The following BARX2 variants were observed in gnomAD, a reference collection of about 807,000 sequenced individuals.
BARX2 encodes the protein homeobox protein BarH-like 2.
A neutral mutation model predicts 25.5 loss-of-function variants in BARX2; 11 were observed. The observed-to-expected ratio is 0.43, with a 90% CI of 0.27 to 0.71. The LOEUF (loss-of-function observed/expected upper bound fraction) is 0.71. Ranked by LOEUF, BARX2 falls within the 30% of genes least tolerant of loss-of-function variation. The probability of loss-of-function intolerance (pLI) is 0.19; values close to 1 mark genes in which losing one functional copy is unlikely to be tolerated. For missense variants in BARX2, 360 were observed against 359.9 expected (o/e 1.00, Z 0.00); for synonymous variants, 137 against 149.5 (o/e 0.92, Z 0.61).
intron 1 of BARX2, among the ~76,000 whole-genome samples, chr11:129,430,138 A>G (rs1862113154): frequency 6.6e-6 from 1 of 152,130 alleles, no homozygotes; most frequent in South Asian, 2.1e-4. Flanking sequence ...AATTCTGCTG[A>G]TGGAAATTCC....
intron 2 of BARX2, 151 bp from the exon 3 acceptor site, chr11:129,442,684 G>A (rs1227353308): frequency 1.3e-6 from 1 of 743,608 alleles, no homozygotes; most frequent in Non-Finnish European, 2.4e-6. Flanking sequence ...TGGAAGGAAA[G>A]AAAAGCGCTT....
At chr11:129,437,643 T>C (rs1862207605) in intron 2 of BARX2, 1 of 339,878 alleles carries the variant, frequency 2.9e-6, no homozygotes, top group African/African-American at 2.2e-5. Flanking sequence ...GAGATCCATG[T>C]TGGGGAGGCT....
At chr11:129,410,102 A>C (rs1031066256) in intron 1 of BARX2, among the ~76,000 whole-genome samples, 1 of 152,246 alleles carries the variant, frequency 6.6e-6, no homozygotes, top group African/African-American at 2.4e-5. Context: ...ATGAATAGAA[A>C]ATGTTTATGG....
Position 129,390,854 on chromosome 11 carries a change from A to G in BARX2, c.187+14632A>G, listed in dbSNP as rs75650031. ...TCCTGGGTCACAAAAGATCATGACG[A>G]CTGTATTATAATACAATAATGGTAT... is the stretch of plus-strand genomic sequence containing the variant. On this transcript the variant is annotated intron_variant, in intron 1 of 3. Transcript: ENST00000281437. The surrounding 1 kb of genome is among the most constrained non-coding windows in gnomAD (Gnocchi z 4.3). Among the ~76,000 whole-genome samples, 3,772 of 152,286 alleles carry G rather than the reference A, an allele frequency of 0.025. 69 individuals are homozygous for G. The highest frequency in any genetic ancestry group is 0.031 in the Non-Finnish European group (2,106 of 68,026).
intron 2 of BARX2, 200 bp from the exon 3 acceptor site, chr11:129,442,635 C>A (rs1862275824): frequency 1.8e-6 from 1 of 565,212 alleles, no homozygotes; most frequent in Non-Finnish European, 3.1e-6. Context: ...GCATGGGCAT[C>A]TGTTTCTCAG....
intron 3 of BARX2, among the ~76,000 whole-genome samples, chr11:129,446,104 T>G (rs1427615806): frequency 1.3e-5 from 2 of 152,190 alleles, no homozygotes; most frequent in African/African-American, 4.8e-5. Flanking sequence ...AAATTTAATC[T>G]TGCATATTTA....
intron 3 of BARX2, among the ~76,000 whole-genome samples, chr11:129,449,859 C>G (rs765718065): frequency 4.6e-5 from 7 of 152,272 alleles, no homozygotes; most frequent in Middle Eastern, 3.4e-3. Flanking sequence ...CTGGCCAGAA[C>G]AGTAGAGGCT....
intron 1 of BARX2, among the ~76,000 whole-genome samples, chr11:129,429,763 A>C (rs1862109034): frequency 6.6e-6 from 1 of 152,196 alleles, no homozygotes; most frequent in African/African-American, 2.4e-5. Context: ...CTAGGGCCCC[A>C]TATGGCCTAG....
Position 129,398,950 on chromosome 11 carries a change from A to G in BARX2, c.187+22728A>G, listed in dbSNP as rs1861749344. 2.6e-5 allele frequency among the ~76,000 whole-genome samples: 4 copies of G among 152,316 alleles called. No individual in the cohort carries two copies. The South Asian group carries it at 8.3e-4, about 32-fold the overall frequency. On this transcript the variant is annotated intron_variant, in intron 1 of 3. Coordinates refer to ENST00000281437, the MANE Select transcript of BARX2 (RefSeq NM_003658.5). ...TAACTGTGTTTTGTTCCTTTATAAT[A>G]CAGTTGCTCAGAGAAAGTCATGCTG...
intron 1 of BARX2, among the ~76,000 whole-genome samples, chr11:129,397,524 C>T (rs1479695512): frequency 6.6e-6 from 1 of 152,192 alleles, no homozygotes; most frequent in African/African-American, 2.4e-5. Context: ...CAGTGATCCG[C>T]ACTGAACTTT....
chr11:129,432,791 C>T (rs1003445882), intron 1 of BARX2, among the ~76,000 whole-genome samples: 4 of 152,136 alleles, frequency 2.6e-5, no homozygotes, highest in South Asian at 4.1e-4. Context: ...AAAAAAGATA[C>T]GCACCTGTGC....
intron 1 of BARX2, among the ~76,000 whole-genome samples, chr11:129,377,996 G>A (rs1395326291): frequency 6.6e-6 from 1 of 152,222 alleles, no homozygotes; most frequent in Non-Finnish European, 1.5e-5. Flanking sequence ...ATTGAACCTT[G>A]TGTGGGAAAT....
At chr11:129,414,146 C>A (rs966352628) in intron 1 of BARX2, among the ~76,000 whole-genome samples, 1 of 151,642 alleles carries the variant, frequency 6.6e-6, no homozygotes, top group Non-Finnish European at 1.5e-5. Flanking sequence ...CTTACATTAC[C>A]GTGAGGAAGG....
chr11:129,442,071 G>GGATTT (rs1862267586), intron 2 of BARX2, among the ~76,000 whole-genome samples: 1 of 151,838 alleles, frequency 6.6e-6, no homozygotes, highest in African/African-American at 2.4e-5. Flanking sequence ...GAAGGGCTGT[G>GGATTT]GATTTAATGT....
chr11:129,412,167 G>A (rs11601015), intron 1 of BARX2, among the ~76,000 whole-genome samples: 21,982 of 151,890 alleles, frequency 0.14, 1,804 homozygotes, highest in East Asian at 0.36. Flanking sequence ...AGCTACTCGG[G>A]AGGCTGAGGC....
intron 1 of BARX2, among the ~76,000 whole-genome samples, chr11:129,419,691 G>A (rs1259763793): frequency 1.3e-5 from 2 of 152,082 alleles, no homozygotes; most frequent in Non-Finnish European, 2.9e-5. Flanking sequence ...ACACCAGGCT[G>A]ATTTAGGTCT....
intron 1 of BARX2, among the ~76,000 whole-genome samples, chr11:129,429,899 T>C (rs1323414597): frequency 6.6e-6 from 1 of 152,202 alleles, no homozygotes; most frequent in African/African-American, 2.4e-5. Flanking sequence ...CCAGAAATCT[T>C]GTCTAAATAG....
rs149353089 is a variant in BARX2, at chr11:129,415,401, A to G, written c.188-21350A>G. 2.8e-3 allele frequency among the ~76,000 whole-genome samples: 427 copies of G among 152,172 alleles called. 3 individuals carry two copies. The highest frequency in any genetic ancestry group is 9.8e-3 in the African/African-American group (406 of 41,496). On this transcript the variant is annotated intron_variant, in intron 1 of 3. Coordinates refer to ENST00000281437, the MANE Select transcript of BARX2 (RefSeq NM_003658.5). Reference sequence around the variant, plus strand: ...TTATTTTTTCAGCAAAGCCTGCAGGATGCCATGGGGGGATACTCTTACAGG... The same window carrying G: ...TTATTTTTTCAGCAAAGCCTGCAGGGTGCCATGGGGGGATACTCTTACAGG...
Position 129,451,325 on chromosome 11 carries a change from C to G in BARX2, c.763C>G (p.Pro255Ala), listed in dbSNP as rs1370278752. The G allele has an allele frequency of 6.2e-7, 1 of 1,614,146 alleles. No individual in the cohort carries two copies. The highest frequency in any genetic ancestry group is 8.5e-7 in the Non-Finnish European group (1 of 1,180,028). Residue 255 changes from proline to alanine, a missense_variant, in exon 4 of 4, where the codon CCC (proline) becomes GCC (alanine). By Grantham distance (27) the Pro-to-Ala change is conservative (BLOSUM62 -1). Coordinates refer to ENST00000281437, the MANE Select transcript of BARX2 (RefSeq NM_003658.5). ...ACAGGAACCGAAAGCACGTGATGTC[C>G]CCTTAGAGATGGCAGAGCCACCAGA... Reference protein sequence around the residue: ...EAQEPKARDVPLEMAEPPDPP... With the variant: ...EAQEPKARDVALEMAEPPDPP...
Sources: gnomAD v4.1 joint callset for allele counts (sites outside exome capture counted in the v4.1 genomes callset) on GRCh38, gnomAD v4.1.1 for gene constraint, Gnocchi (gnomAD v3.1) non-coding constraint, MANE v1.5 for transcripts, NCBI Gene and HGNC (gene_info 2026-07-23, HGNC 2026-07-21) for gene names.